TUSC3: variants seen among roughly 807,000 people sequenced by gnomAD.
The protein encoded by TUSC3 is dolichyl-diphosphooligosaccharide--protein glycosyltransferase subunit TUSC3.
TUSC3 carries 45 observed loss-of-function variants against 44.8 expected under a neutral mutation model. The ratio of observed to expected loss-of-function variants is 1.00; its 90% confidence interval spans 0.79 to 1.29. TUSC3 has a LOEUF of 1.29. Ranked by LOEUF, TUSC3 falls within the 50% of genes most tolerant of loss-of-function variation. The pLI is 0.00. For synonymous variants in TUSC3, 212 were observed against 152.9 expected (o/e 1.39, Z -2.85); for missense variants, 519 against 437.9 (o/e 1.19, Z -1.65).
chr8:15,522,884 A>T (rs187813051), intron 2 of TUSC3, among the ~76,000 whole-genome samples: 2 of 152,302 alleles, frequency 1.3e-5, no homozygotes, highest in African/African-American at 4.8e-5. Flanking sequence ...TCAGTCCTTA[A>T]GTGCAGATGG....
At chr8:15,465,776 G>A (rs1800406131) in intron 1 of TUSC3, among the ~76,000 whole-genome samples, 1 of 152,100 alleles carries the variant, frequency 6.6e-6, no homozygotes, top group Non-Finnish European at 1.5e-5. Flanking sequence ...CTTCTCTGCA[G>A]TGCAACCCTA....
At chr8:15,843,621 T>TATATATATATATATATATATATATAC in the TUSC3 span, among the ~76,000 whole-genome samples, 1 of 146,734 alleles carries the variant, frequency 6.8e-6, no homozygotes, top group African/African-American at 2.6e-5. Context: ...TATATATATA[T>TATATATATATATATATATATATATAC]ACACGCACAT....
At chr8:15,782,427 T>C in the TUSC3 span, among the ~76,000 whole-genome samples, 1 of 152,098 alleles carries the variant, frequency 6.6e-6, no homozygotes. Context: ...TGCAGTGAGC[T>C]ATAAATGCAC....
intron 2 of TUSC3, among the ~76,000 whole-genome samples, chr8:15,498,484 C>A (rs905447932): frequency 6.6e-6 from 1 of 152,176 alleles, no homozygotes; most frequent in African/African-American, 2.4e-5. Flanking sequence ...ATGAAAATGA[C>A]CTTCAGGTGA....
intron 1 of TUSC3, among the ~76,000 whole-genome samples, chr8:15,564,094 T>A (rs1363118421): frequency 1.3e-5 from 2 of 152,158 alleles, no homozygotes; most frequent in African/African-American, 4.8e-5. Flanking sequence ...GATAATTACT[T>A]GAAGTTTCAA....
the TUSC3 span, among the ~76,000 whole-genome samples, chr8:15,846,053 A>G: frequency 7.9e-5 from 12 of 152,132 alleles, no homozygotes; most frequent in Non-Finnish European, 1.8e-4. Flanking sequence ...CGTGAGACTT[A>G]TTCACTATCA....
intron 6 of TUSC3, among the ~76,000 whole-genome samples, chr8:15,675,983 A>G (rs1189676754): frequency 1.3e-5 from 2 of 152,080 alleles, no homozygotes; most frequent in Non-Finnish European, 2.9e-5. Flanking sequence ...CGGTAGTTCT[A>G]TCTTAAGTTC....
intron 1 of TUSC3, among the ~76,000 whole-genome samples, chr8:15,600,193 C>T (rs1164227276): frequency 6.6e-6 from 1 of 151,626 alleles, no homozygotes; most frequent in Admixed American, 6.6e-5. Context: ...AATTCATTTT[C>T]CAAATATGTT....
chr8:15,736,124 C>A (rs1481247825), intron 7 of TUSC3, among the ~76,000 whole-genome samples: 1 of 152,066 alleles, frequency 6.6e-6, no homozygotes, highest in African/African-American at 2.4e-5. Context: ...AACATAAATA[C>A]ACACATACAC....
intron 6 of TUSC3, among the ~76,000 whole-genome samples, chr8:15,727,662 C>CT (rs1810552808): frequency 6.6e-6 from 1 of 152,120 alleles, no homozygotes; most frequent in Non-Finnish European, 1.5e-5. Flanking sequence ...GTTCAGCACA[C>CT]TAAGTTCACT....
At chr8:15,662,484 C>G (rs552279144) in intron 5 of TUSC3, among the ~76,000 whole-genome samples, 188 bp downstream of exon 5, 55 of 39,964 alleles carry the variant, frequency 1.4e-3, no homozygotes, top group Non-Finnish European at 2.8e-3. Context: ...CTTCCTTCAA[C>G]TTTTCACTGC....
At chr8:15,668,162 G>C (rs1807761910) in intron 5 of TUSC3, among the ~76,000 whole-genome samples, 1 of 151,710 alleles carries the variant, frequency 6.6e-6, no homozygotes, top group Admixed American at 6.6e-5. Context: ...ATTGTGCCTG[G>C]CATGTAGAAA....
rs190376130 is a variant in TUSC3, at chr8:15,420,582, T to A, written n.91+3277T>A. On this transcript the variant is annotated intron_variant and non_coding_transcript_variant, in intron 1 of 5. Transcript: ENST00000503191. ...TCATTTCCCCTAACAGTACCATTTT[T>A]GTCTGCCTCCAGTTTCTGCAAAAAT... Among the ~76,000 whole-genome samples, 33 of 144,022 alleles carry A rather than the reference T, an allele frequency of 2.3e-4. No individual in the cohort carries two copies. The East Asian group carries it at 5.9e-3, about 26-fold the overall frequency. The allele number at this position is 144,022 out of a possible 152,430, so 94.5% of individuals were successfully genotyped here.
Position 15,521,056 on chromosome 8 carries a change from G to C in TUSC3, n.189+37573G>C, listed in dbSNP as rs78619364. Among the ~76,000 whole-genome samples the C allele has an allele frequency of 8.9e-3, 1,355 of 152,302 alleles. 12 individuals are homozygous for C. The highest frequency in any genetic ancestry group is 0.013 in the Non-Finnish European group (899 of 68,030). On this transcript the variant is annotated intron_variant and non_coding_transcript_variant, in intron 2 of 5. Coordinates refer to the TUSC3 transcript ENST00000503191. Reference sequence around the variant, plus strand: ...CCAAACATTGAGTCCAGCTTGACGAGTAGATGAGTTTATTAGGACTTACAT... The same window carrying C: ...CCAAACATTGAGTCCAGCTTGACGACTAGATGAGTTTATTAGGACTTACAT...
chr8:15,631,454 C>G (rs1208192241), intron 2 of TUSC3, among the ~76,000 whole-genome samples: 1 of 152,064 alleles, frequency 6.6e-6, no homozygotes, highest in African/African-American at 2.4e-5. Flanking sequence ...TAATTTCAAG[C>G]TTACAGAAAA....
chr8:15,522,603 C>G (rs1328836931), intron 2 of TUSC3, among the ~76,000 whole-genome samples: 1 of 151,504 alleles, frequency 6.6e-6, no homozygotes, highest in African/African-American at 2.4e-5. Context: ...GTTCCACTGA[C>G]CAGATTGAGA....
In TUSC3 at chr8:15,748,356, A is replaced by AT; in HGVS notation, c.938-15dup. Reference sequence around the variant, plus strand: ...TTGCATATTTTTAGACACTAATGGTATTTTCTGTCTGTTTCTAGTAATTTG... The same window carrying AT: ...TTGCATATTTTTAGACACTAATGGTATTTTTCTGTCTGTTTCTAGTAATTTG... On this transcript the variant is annotated intron_variant, in intron 8 of 10. Transcript: ENST00000503731. 1 of 1,578,228 alleles carries AT rather than the reference A, an allele frequency of 6.3e-7. No homozygotes were observed. The highest frequency in any genetic ancestry group is 8.7e-7 in the Non-Finnish European group (1 of 1,147,668).
chr8:15,533,447 C>T (rs548076949), intron 2 of TUSC3, among the ~76,000 whole-genome samples: 11 of 152,104 alleles, frequency 7.2e-5, no homozygotes, highest in Non-Finnish European at 1.5e-4. Flanking sequence ...TTGTCTAATA[C>T]CTGTGAAGAT....
chr8:15,523,706 G>GTATATATATATATATATATATATATA (rs1554509643), intron 2 of TUSC3, among the ~76,000 whole-genome samples: 12 of 112,838 alleles, frequency 1.1e-4, no homozygotes, highest in Non-Finnish European at 1.2e-4. Flanking sequence ...GTGTGTGTGT[G>GTATATATATATATATATATATATATA]TGTATATATA....
Sources: allele counts gnomAD v4.1 joint callset (sites outside exome capture counted in the v4.1 genomes callset), GRCh38; gene constraint gnomAD v4.1.1; transcripts MANE v1.5; gene names NCBI Gene and HGNC (gene_info 2026-07-23, HGNC 2026-07-21).